FOXN3: variants seen among roughly 807,000 people sequenced by gnomAD.
FOXN3 encodes forkhead box N3.
A neutral mutation model predicts 38.4 loss-of-function variants in FOXN3; 7 were observed. The observed-to-expected ratio is 0.18, with a 90% confidence interval of 0.10 to 0.34. The LOEUF is 0.34. Among genes scored for constraint, FOXN3 ranks in the 10% least tolerant of loss-of-function variants. The probability of loss-of-function intolerance (pLI) is 1.00; values close to 1 mark genes in which losing one functional copy is unlikely to be tolerated. For synonymous variants in FOXN3, 230 were observed against 242.2 expected, an observed-to-expected ratio of 0.95 and a Z score of 0.47; for missense variants, 456 against 613.4, an observed-to-expected ratio of 0.74 and a Z score of 2.71.
intron 1 of FOXN3, among the ~76,000 whole-genome samples, chr14:89,468,301 A>C (rs1172397915): frequency 1.3e-5 from 2 of 151,870 alleles, no homozygotes; most frequent in African/African-American, 4.8e-5. Context: ...TGAAAATACA[A>C]AAATTAGCCA....
Position 89,593,276 on chromosome 14 carries a change from TAG to T in FOXN3, c.-15+25750_-15+25751del, listed in dbSNP as rs535903020. ...AGGAAGGAGGAAGGAGAAGTATGTT[TAG>T]AGAGAGAGAATCATATAGAGAGAAA... On this transcript the variant is annotated intron_variant, in intron 1 of 6. Coordinates refer to the FOXN3 transcript ENST00000345097. Among the ~76,000 whole-genome samples, 19 of 151,762 alleles carry T rather than the reference TAG, an allele frequency of 1.3e-4. No homozygotes were observed. In the South Asian group the frequency reaches 3.7e-3, roughly 30 times the overall value.
intron 1 of FOXN3, among the ~76,000 whole-genome samples, chr14:89,611,296 T>A (rs1350927668): frequency 1.3e-5 from 2 of 152,232 alleles, no homozygotes; most frequent in Non-Finnish European, 2.9e-5. Flanking sequence ...GATGTCAGTG[T>A]ATCTTAACAC....
At chr14:89,403,867 T>C (rs1385779574) in intron 2 of FOXN3, among the ~76,000 whole-genome samples, 1 of 151,892 alleles carries the variant, frequency 6.6e-6, no homozygotes, top group Admixed American at 6.6e-5. Context: ...AGTAGAAAGG[T>C]AGTGTATCCA....
At chr14:89,468,456 A>AACACAC (rs550963380) in intron 1 of FOXN3, among the ~76,000 whole-genome samples, 75 of 148,712 alleles carry the variant, frequency 5.0e-4, no homozygotes, top group East Asian at 4.9e-3. Context: ...TGTGTCTCAA[A>AACACAC]ACACACACAC....
At chr14:89,426,641 G>T (rs1487028031) in intron 1 of FOXN3, among the ~76,000 whole-genome samples, 3 of 152,160 alleles carry the variant, frequency 2.0e-5, no homozygotes, top group Non-Finnish European at 4.4e-5. Flanking sequence ...GCACTTAACT[G>T]GATGCCAGAC....
chr14:89,174,297 A>G (rs577334503), intron 5 of FOXN3, among the ~76,000 whole-genome samples: 1 of 152,258 alleles, frequency 6.6e-6, no homozygotes, highest in South Asian at 2.1e-4. Flanking sequence ...CAGCCCTAGA[A>G]TTCTGCAATC....
At chr14:89,447,304 GACA>G (rs1892523728) in intron 1 of FOXN3, among the ~76,000 whole-genome samples, 1 of 151,940 alleles carries the variant, frequency 6.6e-6, no homozygotes, top group South Asian at 2.1e-4. Flanking sequence ...TCTCTGTAAA[GACA>G]ATCTTCATTT....
At chr14:89,491,673 G>A (rs1394616028) in intron 1 of FOXN3, among the ~76,000 whole-genome samples, 2 of 152,206 alleles carry the variant, frequency 1.3e-5, no homozygotes, top group African/African-American at 2.4e-5. Context: ...CTCCAGATGA[G>A]CTCTGCCTCG....
At chr14:89,387,144 T>G (rs1161523772) in intron 2 of FOXN3, among the ~76,000 whole-genome samples, 1 of 152,172 alleles carries the variant, frequency 6.6e-6, no homozygotes, top group African/African-American at 2.4e-5. Flanking sequence ...TAGTCTCAGC[T>G]ACTCGGGAGG....
chr14:89,475,160 C>A (rs1258098261), intron 1 of FOXN3, among the ~76,000 whole-genome samples: 1 of 152,112 alleles, frequency 6.6e-6, no homozygotes, highest in Non-Finnish European at 1.5e-5. Context: ...TAAAGTGTCC[C>A]AGAATCAAAT....
chr14:89,363,982 ATATATAAT>A lies in FOXN3; in HGVS notation c.544-13182_544-13175del, dbSNP rs796331860. Among the ~76,000 whole-genome samples, 101 of 92,458 alleles carry A rather than the reference ATATATAAT, an allele frequency of 1.1e-3. 1 individual carries two copies. The highest frequency in any genetic ancestry group is 5.9e-3 in the South Asian group (22 of 3,738). The allele number at this position is 92,458 out of a possible 152,430, so 60.7% of individuals were successfully genotyped here. On this transcript the variant is annotated intron_variant, in intron 2 of 5. Transcript: ENST00000557258. The stretch of plus-strand genomic sequence containing the variant: ...TATATATATATATATATATATATAT[ATATATAAT>A]ATATATATATATTCTTCCATATCAA...
At chr14:89,505,306 G>GGTCTCCCTCTGATGC (rs1893893004) in intron 1 of FOXN3, among the ~76,000 whole-genome samples, 1 of 60,566 alleles carries the variant, frequency 1.7e-5, no homozygotes, top group Non-Finnish European at 3.1e-5. Flanking sequence ...CTCTCCCCAC[G>GGTCTCCCTCTGATGC]GTCTCCCTCT....
intron 4 of FOXN3, among the ~76,000 whole-genome samples, chr14:89,198,674 G>A (rs1313667270): frequency 6.6e-6 from 1 of 152,188 alleles, no homozygotes; most frequent in Non-Finnish European, 1.5e-5. Context: ...GCTGGAGGGT[G>A]CTACTGGCAT....
At chr14:89,344,942 G>A (rs11846050) in intron 3 of FOXN3, among the ~76,000 whole-genome samples, 30,839 of 152,032 alleles carry the variant, frequency 0.2, 3,206 homozygotes, top group Non-Finnish European at 0.23. Context: ...TTCCGAAGAG[G>A]TACGGGCAAG....
chr14:89,350,214 A>C (rs1888913273), intron 3 of FOXN3: 2 of 152,668 alleles, frequency 1.3e-5, no homozygotes, highest in African/African-American at 2.4e-5. Flanking sequence ...AACCACAACA[A>C]AATGGTCACC....
intron 2 of FOXN3, among the ~76,000 whole-genome samples, chr14:89,388,098 C>T (rs1372176788): frequency 2.0e-5 from 3 of 152,168 alleles, no homozygotes; most frequent in East Asian, 3.8e-4. Flanking sequence ...GCAGGAGAAT[C>T]GCTTGAACCC....
At chr14:89,481,736 G>C (rs1893334813) in intron 1 of FOXN3, among the ~76,000 whole-genome samples, 1 of 152,188 alleles carries the variant, frequency 6.6e-6, no homozygotes, top group East Asian at 1.9e-4. Flanking sequence ...CTTATTTTGG[G>C]GATTAAATGA....
chr14:89,311,443 G>A (rs1271617282), intron 3 of FOXN3, among the ~76,000 whole-genome samples: 1 of 134,112 alleles, frequency 7.5e-6, no homozygotes, highest in African/African-American at 2.8e-5. Flanking sequence ...TTGCACTCCA[G>A]CCTGGGCGAC....
chr14:89,217,398 C>G (rs1884319335), intron 4 of FOXN3, among the ~76,000 whole-genome samples: 1 of 152,170 alleles, frequency 6.6e-6, no homozygotes, highest in African/African-American at 2.4e-5. Flanking sequence ...TCTTGGCCTC[C>G]CAAAGTGCTG....
Sources: gnomAD v4.1 joint callset for allele counts (sites outside exome capture counted in the v4.1 genomes callset) on GRCh38, gnomAD v4.1.1 for gene constraint, MANE v1.5 for transcripts, NCBI Gene and HGNC (gene_info 2026-07-23, HGNC 2026-07-21) for gene names.